Variants in TBCD observed in about 807,000 individuals in gnomAD.
The protein encoded by TBCD is tubulin-specific chaperone D.
TBCD carries 105 observed loss-of-function variants against 169.3 expected under a neutral mutation model. The ratio of observed to expected loss-of-function variants is 0.62; its 90% confidence interval spans 0.53 to 0.73. TBCD has a LOEUF of 0.73. Ranked by LOEUF, TBCD falls within the 30% of genes least tolerant of loss-of-function variation. TBCD has a pLI of 0.00. For synonymous variants in TBCD, 700 were observed against 643.9 expected, an observed-to-expected ratio of 1.09 and a Z score of -1.32; for missense variants, 1,444 against 1,600.1, an observed-to-expected ratio of 0.90 and a Z score of 1.66.
At chr17:82,882,918 C>T (rs1408997366) in intron 14 of TBCD, among the ~76,000 whole-genome samples, 2 of 152,112 alleles carry the variant, frequency 1.3e-5, no homozygotes, top group Non-Finnish European at 2.9e-5. Context: ...GTCCGCGCTG[C>T]CAGGCTGGAG....
intron 5 of TBCD, among the ~76,000 whole-genome samples, chr17:82,770,051 T>A (rs939753124): frequency 2.6e-5 from 4 of 152,170 alleles, no homozygotes; most frequent in African/African-American, 9.7e-5. Flanking sequence ...TTTACTTTGC[T>A]CATAAATGGT....
chr17:82,903,440 A>G lies in TBCD; in HGVS notation c.1766A>G (p.Asn589Ser), dbSNP rs1319849132. Reference protein sequence around the residue: ...IRELAARALHNLAQQAPEFSA... With the variant: ...IRELAARALHSLAQQAPEFSA... ...GAGTTGGCTGCGAGGGCGCTGCACAACCTGGCCCAGCAGGCACCCGAGTTC... is the reference window on the plus strand; with the variant it reads ...GAGTTGGCTGCGAGGGCGCTGCACAGCCTGGCCCAGCAGGCACCCGAGTTC... Residue 589 changes from asparagine to serine, a missense_variant, in exon 19 of 39, where the codon AAC becomes AGC. Asn to Ser is a conservative substitution (Grantham distance 46). Transcript: ENST00000355528. This position sits in a 1 kb window ranked among gnomAD's most constrained non-coding sequence, Gnocchi z 4.8. The G allele has an allele frequency of 1.9e-6, 3 of 1,604,086 alleles. No homozygotes were observed. Among genetic ancestry groups the G allele is most frequent in the Admixed American group, 1.7e-5 (1 of 58,744 alleles).
intron 3 of TBCD, 144 bp from the exon 4 acceptor site, chr17:82,766,123 C>T: frequency 1.5e-6 from 1 of 679,270 alleles, no homozygotes; most frequent in South Asian, 1.9e-5. Flanking sequence ...TACGGTCTTA[C>T]TAAATTGTGT....
intron 17 of TBCD, among the ~76,000 whole-genome samples, chr17:82,900,343 G>A (rs2059802920): frequency 6.6e-6 from 1 of 152,192 alleles, no homozygotes; most frequent in African/African-American, 2.4e-5. Context: ...GATTCAGATT[G>A]TGTGTGTTGT....
Position 82,806,124 on chromosome 17 carries a change from C to A in TBCD, c.1087+113C>A. On this transcript the variant is annotated intron_variant, in intron 10 of 38. Coordinates refer to ENST00000355528, the MANE Select transcript of TBCD (RefSeq NM_005993.5). This position sits in a 1 kb window ranked among gnomAD's most constrained non-coding sequence, Gnocchi z 5.1. ...GCTGGTGCCGGCACTGTCTGGCCAC[C>A]CGTCCCCTTCGCTGAGTGCACGGTC... 1 of 1,434,428 alleles carries A rather than the reference C, an allele frequency of 7.0e-7. No individual in the cohort carries two copies. Among genetic ancestry groups the A allele is most frequent in the Non-Finnish European group, 9.4e-7 (1 of 1,063,900 alleles). The allele number at this position is 1,434,428 out of a possible 1,614,324, so 88.9% of individuals were successfully genotyped here.
chr17:82,934,721 T>C (rs1266480327), intron 34 of TBCD, among the ~76,000 whole-genome samples: 1 of 151,710 alleles, frequency 6.6e-6, no homozygotes, highest in Non-Finnish European at 1.5e-5. Context: ...ATCTGCCCAC[T>C]TCTGCCTCCC....
rs574147591 is a variant in TBCD at position 82,884,869 on chromosome 17, G to C, written c.1533+667G>C. On this transcript the variant is annotated intron_variant, in intron 15 of 38. Transcript: ENST00000355528. The surrounding 1 kb of genome is among the most constrained non-coding windows in gnomAD (Gnocchi z 4.2). ...CCACAGAGAGCGGACAGTTGAGACGGTGGACCAGTCTCAAGATAAGAGTCT... is the reference window on the plus strand; with the variant it reads ...CCACAGAGAGCGGACAGTTGAGACGCTGGACCAGTCTCAAGATAAGAGTCT... 1 of 152,912 alleles carries C rather than the reference G, an allele frequency of 6.5e-6. No homozygotes were observed. The highest frequency in any genetic ancestry group is 2.4e-5 in the African/African-American group (1 of 41,470). The allele number at this position is 152,912 out of a possible 1,614,324, so 9.5% of individuals were successfully genotyped here. A position where few individuals can be genotyped will look rare whatever the true frequency, so the allele number is the denominator to read the frequency against.
chr17:82,769,321 G>A (rs2048185806), intron 5 of TBCD, among the ~76,000 whole-genome samples: 2 of 152,338 alleles, frequency 1.3e-5, no homozygotes, highest in South Asian at 4.1e-4. Flanking sequence ...TGAGATGGAA[G>A]TCATGATAAT....
At chr17:82,800,651 C>T (rs949639390) in intron 8 of TBCD, among the ~76,000 whole-genome samples, 1 of 152,148 alleles carries the variant, frequency 6.6e-6, no homozygotes, top group Non-Finnish European at 1.5e-5. Flanking sequence ...AGTACTTGCT[C>T]TCCTGACCTC....
At chr17:82,774,422 CA>C (rs1254224512) in intron 6 of TBCD, among the ~76,000 whole-genome samples, 1 of 152,228 alleles carries the variant, frequency 6.6e-6, no homozygotes, top group Admixed American at 6.5e-5. Flanking sequence ...TAGTACAGAA[CA>C]AAATCGAGTC....
At chr17:82,768,269 C>T (rs1568104558) in intron 4 of TBCD, 151 bp from the exon 5 acceptor site, 29 of 906,628 alleles carry the variant, frequency 3.2e-5, no homozygotes, top group South Asian at 3.1e-4. Flanking sequence ...AGTTGGTGAA[C>T]GGCTTGCATT....
intron 7 of TBCD, among the ~76,000 whole-genome samples, chr17:82,786,060 C>T (rs1037279214): frequency 1.3e-5 from 2 of 152,158 alleles, no homozygotes; most frequent in Non-Finnish European, 2.9e-5. Context: ...GCTTCACGGC[C>T]TTCATGATCG....
intron 15 of TBCD, among the ~76,000 whole-genome samples, chr17:82,887,738 G>A (rs995971725): frequency 6.6e-6 from 1 of 152,160 alleles, no homozygotes; most frequent in Admixed American, 6.5e-5. Context: ...GCCTTTCTCT[G>A]TCCTCGCTTG....
In TBCD at chr17:82,890,642, C is replaced by T. The variant is rs983706888; in HGVS notation, c.1563+945C>T. Among the ~76,000 whole-genome samples, 3 of 152,074 alleles carry T rather than the reference C, an allele frequency of 2.0e-5. No individual in the cohort carries two copies. The highest frequency in any genetic ancestry group is 4.8e-5 in the African/African-American group (2 of 41,412). On this transcript the variant is annotated intron_variant, in intron 16 of 38. Coordinates refer to ENST00000355528, the MANE Select transcript of TBCD (RefSeq NM_005993.5). This position sits in a 1 kb window ranked among gnomAD's most constrained non-coding sequence, Gnocchi z 5.3. ...AGGAGCCTGGCGTGAGTGGTGTGGG[C>T]GGCTTTCTGTAGACGGAGCCCAGGA...
At chr17:82,813,360 CT>C (rs961888235) in intron 12 of TBCD, among the ~76,000 whole-genome samples, 25 of 152,252 alleles carry the variant, frequency 1.6e-4, no homozygotes, top group African/African-American at 5.1e-4. Flanking sequence ...GAGACCCCCC[CT>C]GTGCTTCCAG....
rs770477632 is a variant in TBCD, at chr17:82,945,682, G to A, written c.*3219G>A. 2 of 152,158 alleles carry A rather than the reference G, an allele frequency of 1.3e-5. No homozygotes were observed. The highest frequency in any genetic ancestry group is 2.9e-5 in the Non-Finnish European group (2 of 68,032). The allele number at this position is 152,158 out of a possible 1,614,324, so 9.4% of individuals were successfully genotyped here. ...AGTCATTTGTTTTGAGAGCTGTCCTGTTTATTGCAGGGTGTTCAGCAACAT... is the reference window on the plus strand; with the variant it reads ...AGTCATTTGTTTTGAGAGCTGTCCTATTTATTGCAGGGTGTTCAGCAACAT... On this transcript the variant is annotated 3_prime_UTR_variant, in exon 39 of 39. Transcript: ENST00000355528.
chr17:82,885,892 G>C (rs1029065035), intron 15 of TBCD, among the ~76,000 whole-genome samples: 1 of 152,168 alleles, frequency 6.6e-6, no homozygotes, highest in African/African-American at 2.4e-5. Context: ...TTGAAGCTTA[G>C]TTGGAAATGT....
In TBCD at chr17:82,945,066, T is replaced by C. The variant is rs1473765112; in HGVS notation, c.*2603T>C. ...GCAGAAGATGCAAATACAAAACCTC[T>C]CTGGTAGAATGTAGGCTATAATATG... On this transcript the variant is annotated 3_prime_UTR_variant, in exon 39 of 39. Coordinates refer to ENST00000355528, the MANE Select transcript of TBCD (RefSeq NM_005993.5). 1 of 152,092 alleles carries C rather than the reference T, an allele frequency of 6.6e-6. No individual in the cohort carries two copies. Among genetic ancestry groups the C allele is most frequent in the African/African-American group, 2.4e-5 (1 of 41,396 alleles). 9.4% of individuals were successfully genotyped at this position (152,092 alleles called of 1,614,324 possible). A position where few individuals can be genotyped will look rare whatever the true frequency, so the allele number is the denominator to read the frequency against.
In TBCD at chr17:82,942,495, C is replaced by T; in HGVS notation, c.*32C>T. 6.2e-7 allele frequency: 1 copy of T among 1,613,794 alleles called. No individual in the cohort carries two copies. The highest frequency in any genetic ancestry group is 8.5e-7 in the Non-Finnish European group (1 of 1,179,748). On this transcript the variant is annotated 3_prime_UTR_variant, in exon 39 of 39. Coordinates refer to ENST00000355528, the MANE Select transcript of TBCD (RefSeq NM_005993.5). Reference sequence around the variant, plus strand: ...TCCTGGAGCCCATACCTCACCCCTGCCTGGTGAGGATGTCTTGTTCCTGAG... The same window carrying T: ...TCCTGGAGCCCATACCTCACCCCTGTCTGGTGAGGATGTCTTGTTCCTGAG...
Sources: gnomAD v4.1 joint callset for allele counts (sites outside exome capture counted in the v4.1 genomes callset) on GRCh38, gnomAD v4.1.1 for gene constraint, Gnocchi (gnomAD v3.1) non-coding constraint, MANE v1.5 for transcripts, NCBI Gene and HGNC (gene_info 2026-07-23, HGNC 2026-07-21) for gene names.